The following RBFOX1 variants were observed in gnomAD, a reference collection of about 807,000 sequenced individuals.
The protein encoded by RBFOX1 is RNA binding protein fox-1 homolog 1.
A neutral mutation model predicts 57.7 loss-of-function variants in RBFOX1; 8 were observed. That is an observed-to-expected ratio of 0.14 (90% CI 0.08 to 0.25). RBFOX1 has a LOEUF of 0.25. Ranked by LOEUF, RBFOX1 falls within the 10% of genes least tolerant of loss-of-function variation. The pLI is 1.00. For synonymous variants in RBFOX1, 326 were observed against 222.4 expected, an observed-to-expected ratio of 1.47 and a Z score of -4.15; for missense variants, 611 against 548.5, an observed-to-expected ratio of 1.11 and a Z score of -1.14.
At chr16:7,480,988 C>A (rs980104111) in intron 4 of RBFOX1, among the ~76,000 whole-genome samples, 2 of 152,178 alleles carry the variant, frequency 1.3e-5, no homozygotes, top group African/African-American at 4.8e-5. Flanking sequence ...GGGCTGCTAC[C>A]TGCCATGCAT....
intron 2 of RBFOX1, among the ~76,000 whole-genome samples, chr16:6,441,933 G>A (rs1360722746): frequency 7.9e-5 from 12 of 152,258 alleles, no homozygotes; most frequent in African/African-American, 2.6e-4. Context: ...TTCCTAATTT[G>A]CTATTAGGAT....
chr16:7,017,925 T>G (rs1225505317), intron 3 of RBFOX1, among the ~76,000 whole-genome samples: 1 of 152,300 alleles, frequency 6.6e-6, no homozygotes, highest in East Asian at 1.9e-4. Flanking sequence ...AAATGCTATA[T>G]TTGCAAACTG....
intron 4 of RBFOX1, among the ~76,000 whole-genome samples, chr16:7,417,719 C>T (rs2098497852): frequency 6.6e-6 from 1 of 152,140 alleles, no homozygotes; most frequent in African/African-American, 2.4e-5. Context: ...AATGTGTTCT[C>T]CATCTTTATA....
intron 4 of RBFOX1, among the ~76,000 whole-genome samples, chr16:7,230,425 C>T (rs1048091840): frequency 6.6e-6 from 1 of 152,108 alleles, no homozygotes; most frequent in Non-Finnish European, 1.5e-5. Context: ...CATCTGCCTG[C>T]CTCTAAATCC....
intron 2 of RBFOX1, among the ~76,000 whole-genome samples, chr16:6,543,811 T>G: frequency 6.6e-6 from 1 of 152,036 alleles, no homozygotes; most frequent in Admixed American, 6.5e-5. Flanking sequence ...GAGTCTACCC[T>G]GGCAGAAGAA....
intron 3 of RBFOX1, among the ~76,000 whole-genome samples, chr16:6,755,144 G>C (rs1180921854): frequency 3.3e-5 from 5 of 152,108 alleles, no homozygotes; most frequent in Non-Finnish European, 7.3e-5. Context: ...TTGCTATTGG[G>C]GATAGTGCCG....
intron 4 of RBFOX1, among the ~76,000 whole-genome samples, chr16:6,001,271 A>T (rs927989545): frequency 6.6e-6 from 1 of 152,076 alleles, no homozygotes; most frequent in Admixed American, 6.5e-5. Context: ...ATTTCCAATG[A>T]GGTGATTTTC....
intron 4 of RBFOX1, among the ~76,000 whole-genome samples, chr16:7,292,604 G>A (rs2095813912): frequency 1.3e-5 from 2 of 150,740 alleles, no homozygotes; most frequent in Non-Finnish European, 2.9e-5. Flanking sequence ...TAGGGTATAG[G>A]AGGTAAGAGA....
intron 3 of RBFOX1, among the ~76,000 whole-genome samples, chr16:7,020,511 G>A (rs1044951977): frequency 5.3e-5 from 8 of 152,174 alleles, no homozygotes; most frequent in East Asian, 3.9e-4. Context: ...CAGCCACCGC[G>A]CCCAGCCAAT....
At chr16:5,920,080 C>A (rs1246321560) in intron 4 of RBFOX1, among the ~76,000 whole-genome samples, 1 of 152,144 alleles carries the variant, frequency 6.6e-6, no homozygotes. Flanking sequence ...ACTACAGGCG[C>A]CCGCCACCAC....
intron 3 of RBFOX1, among the ~76,000 whole-genome samples, chr16:6,873,602 G>C (rs572091274): frequency 6.6e-6 from 1 of 152,214 alleles, no homozygotes; most frequent in East Asian, 1.9e-4. Context: ...TACACGTCTA[G>C]TTTTTACTGG....
chr16:6,964,415 A>C (rs1418817823), intron 3 of RBFOX1, among the ~76,000 whole-genome samples: 1 of 152,160 alleles, frequency 6.6e-6, no homozygotes, highest in Non-Finnish European at 1.5e-5. Context: ...ACAATATACA[A>C]CATCAACTGT....
chr16:7,575,145 C>G (rs2152804894), intron 5 of RBFOX1, among the ~76,000 whole-genome samples: 1 of 151,976 alleles, frequency 6.6e-6, no homozygotes, highest in Middle Eastern at 3.4e-3. Context: ...ATTAATTATC[C>G]TTTTTTTGAG....
intron 4 of RBFOX1, among the ~76,000 whole-genome samples, chr16:7,130,759 G>A (rs2070102263): frequency 1.3e-5 from 2 of 152,164 alleles, no homozygotes; most frequent in South Asian, 2.1e-4. Flanking sequence ...CTTTAATATC[G>A]TGCTTAAATT....
intron 3 of RBFOX1, among the ~76,000 whole-genome samples, chr16:6,813,961 C>G (rs74474271): frequency 2.0e-5 from 3 of 152,104 alleles, no homozygotes; most frequent in Non-Finnish European, 1.5e-5. Context: ...CCAGTCCTTG[C>G]TACTAACACT....
chr16:5,490,767 G>T (rs1238486015), intron 2 of RBFOX1, among the ~76,000 whole-genome samples: 3 of 152,186 alleles, frequency 2.0e-5, no homozygotes, highest in Non-Finnish European at 4.4e-5. Context: ...CGCGCCCCCT[G>T]CAGGCCGTGG....
rs143306294 is a variant in RBFOX1 at position 6,613,471 on chromosome 16, C to T, written c.-63-41132C>T. On this transcript the variant is annotated intron_variant, in intron 2 of 15. Transcript: ENST00000550418. The stretch of plus-strand genomic sequence containing the variant: ...TAGGCCCCCTTAAAGTCTTCCGCTC[C>T]AACCCTTAAACAGTTAAGCATATAG... Among the ~76,000 whole-genome samples, 204 of 152,166 alleles carry T rather than the reference C, an allele frequency of 1.3e-3. 2 individuals are homozygous for T. The highest frequency in any genetic ancestry group is 1.9e-4 in the Non-Finnish European group (13 of 68,010).
chr16:7,332,872 G>C (rs1347458292), intron 4 of RBFOX1: 7 of 1,536,382 alleles, frequency 4.6e-6, no homozygotes, highest in Non-Finnish European at 6.1e-6. Flanking sequence ...GCGTTGATGA[G>C]TGCTTGGCTC....
chr16:6,073,822 G>A (rs2152491032), intron 1 of RBFOX1, among the ~76,000 whole-genome samples: 1 of 152,214 alleles, frequency 6.6e-6, no homozygotes, highest in Non-Finnish European at 1.5e-5. Flanking sequence ...TCTTTCAACT[G>A]CAGGTGATAG....
Sources: allele counts gnomAD v4.1 joint callset (sites outside exome capture counted in the v4.1 genomes callset), GRCh38; gene constraint gnomAD v4.1.1; transcripts MANE v1.5; gene names NCBI Gene and HGNC (gene_info 2026-07-23, HGNC 2026-07-21).